Variants in EPB41L2 observed in about 807,000 individuals in gnomAD.
EPB41L2 encodes the protein band 4.1-like protein 2.
In EPB41L2, 43 loss-of-function variants were observed where a neutral mutation model predicts 113.0. That is an observed-to-expected ratio of 0.38 (90% CI 0.30 to 0.49). The LOEUF is 0.49. EPB41L2 is among the 20% of genes least tolerant of loss of function. The probability of loss-of-function intolerance (pLI) is 0.95; values close to 1 mark genes in which losing one functional copy is unlikely to be tolerated. For missense variants in EPB41L2, 1,147 were observed against 1,223.4 expected (o/e 0.94, Z 0.93); for synonymous variants, 442 against 436.7 (o/e 1.01, Z -0.15).
chr6:131,053,053 C>T (rs927533853), intron 1 of EPB41L2, among the ~76,000 whole-genome samples: 6 of 151,912 alleles, frequency 3.9e-5, no homozygotes, highest in Admixed American at 2.0e-4. Flanking sequence ...TGCACCACCA[C>T]GCCTGGCTAA....
chr6:130,948,563 C>T (rs1440784382), intron 3 of EPB41L2, among the ~76,000 whole-genome samples: 1 of 151,946 alleles, frequency 6.6e-6, no homozygotes, highest in Non-Finnish European at 1.5e-5. Context: ...AATTAAATGG[C>T]AAAATAGAGT....
At chr6:130,997,623 CAGGGACG>C (rs1196767489) in intron 1 of EPB41L2, among the ~76,000 whole-genome samples, 1 of 152,144 alleles carries the variant, frequency 6.6e-6, no homozygotes, top group Non-Finnish European at 1.5e-5. Flanking sequence ...ACAAGGCGGA[CAGGGACG>C]TGTTTTTCAG....
In EPB41L2 at chr6:131,062,745, C is replaced by G. The variant is rs551033744; in HGVS notation, c.-15+410G>C. ...CCGCTGTTGCTCCACGGGGCCCGGA[C>G]GCGTGACCTGAGCCCACGGCACCCC... is the stretch of plus-strand genomic sequence containing the variant. On this transcript the variant is annotated intron_variant, in intron 1 of 19. Coordinates refer to ENST00000337057, the MANE Select transcript of EPB41L2 (RefSeq NM_001431.4). Among the ~76,000 whole-genome samples, 407 of 151,998 alleles carry G rather than the reference C, an allele frequency of 2.7e-3. 1 individual carries two copies. The highest frequency in any genetic ancestry group is 4.4e-3 in the Non-Finnish European group (302 of 67,884).
chr6:130,844,260 G>A (rs139536905), intron 19 of EPB41L2, among the ~76,000 whole-genome samples: 224 of 152,186 alleles, frequency 1.5e-3, no homozygotes, highest in African/African-American at 5.1e-3. Flanking sequence ...TTCTGAAAAC[G>A]GGAATGAAAT....
At chr6:130,876,094 C>G (rs1405445148) in intron 14 of EPB41L2, among the ~76,000 whole-genome samples, 1 of 152,024 alleles carries the variant, frequency 6.6e-6, no homozygotes, top group Non-Finnish European at 1.5e-5. Flanking sequence ...ACAGACTGAC[C>G]ACCTGGCTAA....
At chr6:131,013,698 T>C (rs1180718675) in intron 1 of EPB41L2, 1 of 152,166 alleles carries the variant, frequency 6.6e-6, no homozygotes, top group Non-Finnish European at 1.5e-5. Context: ...CCCACAAAAA[T>C]GTAGTCAATT....
intron 1 of EPB41L2, among the ~76,000 whole-genome samples, chr6:131,053,341 G>A (rs1235357274): frequency 1.3e-5 from 2 of 149,548 alleles, no homozygotes; most frequent in Non-Finnish European, 2.9e-5. Context: ...GACTGTCACG[G>A]TTACTACTTG....
chr6:130,926,112 A>T (rs1278660420), intron 4 of EPB41L2, among the ~76,000 whole-genome samples: 1 of 152,158 alleles, frequency 6.6e-6, no homozygotes, highest in East Asian at 1.9e-4. Flanking sequence ...CACTGTGACC[A>T]AGTGTTCTTG....
intron 14 of EPB41L2, chr6:130,870,504 C>T (rs1785290094): frequency 9.7e-7 from 1 of 1,028,546 alleles, no homozygotes; most frequent in Non-Finnish European, 1.5e-6. Context: ...GAAACCTCTG[C>T]TCAAGGTCAC....
chr6:130,974,158 T>C (rs1777569046), intron 1 of EPB41L2, among the ~76,000 whole-genome samples: 2 of 151,990 alleles, frequency 1.3e-5, no homozygotes, highest in African/African-American at 4.8e-5. Flanking sequence ...TTAGATAAGG[T>C]CATGAGGGTG....
At chr6:130,918,450 A>C (rs566963109) in intron 4 of EPB41L2, among the ~76,000 whole-genome samples, 2 of 152,306 alleles carry the variant, frequency 1.3e-5, no homozygotes, top group South Asian at 4.1e-4. Flanking sequence ...GGTTTCATTT[A>C]GACATGAATA....
chr6:130,908,420 T>C (rs1261558962), intron 5 of EPB41L2, among the ~76,000 whole-genome samples: 1 of 152,210 alleles, frequency 6.6e-6, no homozygotes, highest in East Asian at 1.9e-4. Flanking sequence ...AGTGTCTCTA[T>C]GTCTCTGTGG....
intron 1 of EPB41L2, among the ~76,000 whole-genome samples, chr6:131,044,619 A>C (rs897488275): frequency 2.0e-5 from 3 of 152,132 alleles, no homozygotes; most frequent in Non-Finnish European, 2.9e-5. Flanking sequence ...TCTCCCACCC[A>C]GTGAATCTTC....
chr6:131,031,569 T>C (rs778525019), intron 1 of EPB41L2, among the ~76,000 whole-genome samples: 5 of 152,154 alleles, frequency 3.3e-5, no homozygotes, highest in Admixed American at 6.5e-5. Flanking sequence ...ACTTCCTAAT[T>C]TCCTCATTCA....
chr6:130,972,199 C>T (rs111286305), intron 1 of EPB41L2, among the ~76,000 whole-genome samples: 16,843 of 151,834 alleles, frequency 0.11, 1,167 homozygotes, highest in African/African-American at 0.17. Flanking sequence ...TAGCGCATGC[C>T]TGTGGTCCCA....
intron 4 of EPB41L2, among the ~76,000 whole-genome samples, chr6:130,923,314 T>C (rs1803494629): frequency 6.6e-6 from 1 of 152,218 alleles, no homozygotes; most frequent in South Asian, 2.1e-4. Flanking sequence ...AAGACAAAAC[T>C]GGTCATCTCA....
At chr6:130,886,098 T>A (rs914818394) in intron 11 of EPB41L2, among the ~76,000 whole-genome samples, 1 of 152,200 alleles carries the variant, frequency 6.6e-6, no homozygotes, top group African/African-American at 2.4e-5. Context: ...ACAAGGTCAT[T>A]TCACTTTACA....
intron 19 of EPB41L2, among the ~76,000 whole-genome samples, chr6:130,850,055 T>G (rs151214179): frequency 6.6e-6 from 1 of 152,084 alleles, no homozygotes; most frequent in Non-Finnish European, 1.5e-5. Flanking sequence ...CTGGCCAACA[T>G]AGGGAAACCC....
chr6:131,058,888 C>T (rs1010882304), intron 1 of EPB41L2, among the ~76,000 whole-genome samples: 16 of 152,058 alleles, frequency 1.1e-4, no homozygotes, highest in African/African-American at 3.1e-4. Context: ...TGGTGGCACA[C>T]GCCTGTAATT....
Sources: gnomAD v4.1 joint callset for allele counts (sites outside exome capture counted in the v4.1 genomes callset) on GRCh38, gnomAD v4.1.1 for gene constraint, MANE v1.5 for transcripts, NCBI Gene and HGNC (gene_info 2026-07-23, HGNC 2026-07-21) for gene names.